KCNS1: variants seen among roughly 807,000 people sequenced by gnomAD.
KCNS1 encodes delayed-rectifier potassium channel regulatory subunit KCNS1.
Under a neutral mutation model 33.1 loss-of-function variants are expected in KCNS1, and 26 were observed. The ratio of observed to expected loss-of-function variants is 0.79; its 90% confidence interval spans 0.58 to 1.09. The LOEUF is 1.09. KCNS1 is among the 50% of genes least tolerant of loss of function. The pLI, the probability that KCNS1 is intolerant of heterozygous loss-of-function variation, is 0.00. For missense variants in KCNS1, 702 were observed against 752.4 expected, an observed-to-expected ratio of 0.93 and a Z score of 0.78; for synonymous variants, 299 against 338.8, an observed-to-expected ratio of 0.88 and a Z score of 1.29.
chr20:45,099,029 G>C (rs532537748), intron 2 of KCNS1, 132 bp downstream of exon 2: 38 of 918,872 alleles, frequency 4.1e-5, no homozygotes, highest in Non-Finnish European at 5.7e-5. Flanking sequence ...GCACCTAGTG[G>C]GTGCTCACAT....
At chr20:45,099,510 A>G (rs1157352476) in intron 1 of KCNS1, among the ~76,000 whole-genome samples, 1 of 152,166 alleles carries the variant, frequency 6.6e-6, no homozygotes, top group Non-Finnish European at 1.5e-5. Context: ...TATTCACCTC[A>G]AAGTGTGGTT....
At position 45,094,541 on chromosome 20, in the gene KCNS1, C is replaced by CG; in HGVS notation, c.*328_*329insC. ...CTGTGAAGTGGGGATAATTCTCTTT[C>CG]TCCAACACAAGGCCAAACATGACCT... On this transcript the variant is annotated 3_prime_UTR_variant, in exon 4 of 4. Transcript: ENST00000537075. 1 of 232,126 alleles carries CG rather than the reference C, an allele frequency of 4.3e-6. No individual in the cohort carries two copies. The highest frequency in any genetic ancestry group is 8.5e-6 in the Non-Finnish European group (1 of 118,058). 14.4% of individuals were successfully genotyped at this position (232,126 alleles called of 1,614,324 possible). A position where few individuals can be genotyped will look rare whatever the true frequency, so the allele number is the denominator to read the frequency against.
At position 45,099,229 on chromosome 20, in the gene KCNS1, A is replaced by T; in HGVS notation, c.8T>A (p.Met3Lys). The change falls in exon 2 of 4, where the codon ATG becomes AAG. Residue 3 changes from methionine to lysine, a missense_variant. Transcript: ENST00000537075. ...ATAGTGTGTTCCCCGGACCAGCAGC[A>T]TCAGCATCACCTGGGAATTTGTCAA... Reference protein sequence around the residue: MLMLLVRGTHYEN... With the variant: MLKLLVRGTHYEN... 6.7e-7 allele frequency: 1 copy of T among 1,486,486 alleles called. No individual in the cohort carries two copies. The highest frequency in any genetic ancestry group is 9.2e-7 in the Non-Finnish European group (1 of 1,087,614). The allele number at this position is 1,486,486 out of a possible 1,614,324, so 92.1% of individuals were successfully genotyped here. A position where few individuals can be genotyped will look rare whatever the true frequency, so the allele number is the denominator to read the frequency against.
In KCNS1 at chr20:45,098,302, A is replaced by G; in HGVS notation, c.470T>C (p.Leu157Pro). ...ALAACCRARYLERRLTQPHAW... is the reference protein window; with the variant it reads ...ALAACCRARYPERRLTQPHAW... ...GTGCGGCTGGGTCAGCCGCCTCTCCAGGTAGCGCGCGCGGCAGCACGCGGC... is the reference window on the plus strand; with the variant it reads ...GTGCGGCTGGGTCAGCCGCCTCTCCGGGTAGCGCGCGCGGCAGCACGCGGC... Residue 157 changes from leucine to proline, a missense_variant, in exon 3 of 4, where the codon CTG (leucine) becomes CCG (proline). Transcript: ENST00000537075. The surrounding 1 kb of genome is among the most constrained non-coding windows in gnomAD (Gnocchi z 5.2). The G allele has an allele frequency of 6.3e-7, 1 of 1,578,430 alleles. No individual in the cohort carries two copies. Among genetic ancestry groups the G allele is most frequent in the Non-Finnish European group, 8.6e-7 (1 of 1,164,612 alleles).
At position 45,097,668 on chromosome 20, in the gene KCNS1, C is replaced by G. The variant is rs1420485962; in HGVS notation, c.1104G>C (p.Thr368=). Residue 368 remains threonine, a synonymous_variant, in exon 3 of 4, where the codon ACG becomes ACC. Coordinates refer to ENST00000537075, the MANE Select transcript of KCNS1 (RefSeq NM_001322799.2). ...HSTGLRSLGA[T]LKHSYREVGI... is the part of the protein sequence containing the mutation. ...CTGGCCTCAGAGGCCGTACCTTGAG[C>G]GTGGCTCCCAGCGAGCGCAGCCCGG... is the stretch of plus-strand genomic sequence containing the variant. 6.2e-7 allele frequency: 1 copy of G among 1,603,438 alleles called. No individual in the cohort carries two copies.
chr20:45,097,516 T>A, intron 3 of KCNS1, 146 bp downstream of exon 3: 1 of 749,816 alleles, frequency 1.3e-6, no homozygotes, highest in South Asian at 1.7e-5. Context: ...AACGTACACC[T>A]GGTGTGCAGC....
chr20:45,098,774 T>G lies in KCNS1; in HGVS notation c.77-79A>C. Reference sequence around the variant, plus strand: ...GACCAGGTTAAAATCCCCTCCTCCATCCAACCAGCCAAGGGGTGTTGGAGG... The same window carrying G: ...GACCAGGTTAAAATCCCCTCCTCCAGCCAACCAGCCAAGGGGTGTTGGAGG... On this transcript the variant is annotated intron_variant, in intron 2 of 3. Coordinates refer to ENST00000537075, the MANE Select transcript of KCNS1 (RefSeq NM_001322799.2). The surrounding 1 kb of genome is among the most constrained non-coding windows in gnomAD (Gnocchi z 5.2). The G allele has an allele frequency of 8.1e-7, 1 of 1,230,820 alleles. No individual in the cohort carries two copies. The highest frequency in any genetic ancestry group is 1.0e-6 in the Non-Finnish European group (1 of 967,424). The allele number at this position is 1,230,820 out of a possible 1,614,324, so 76.2% of individuals were successfully genotyped here.
At position 45,094,204 on chromosome 20, in the gene KCNS1, T is replaced by A. The variant is rs1230631559; in HGVS notation, c.*666A>T. 1 of 152,396 alleles carries A rather than the reference T, an allele frequency of 6.6e-6. No homozygotes were observed. The highest frequency in any genetic ancestry group is 1.9e-4 in the East Asian group (1 of 5,202). The allele number at this position is 152,396 out of a possible 1,614,324, so 9.4% of individuals were successfully genotyped here. On this transcript the variant is annotated 3_prime_UTR_variant, in exon 4 of 4. Coordinates refer to ENST00000537075, the MANE Select transcript of KCNS1 (RefSeq NM_001322799.2). ...TCATCCTCCTTCCCTCCAGGACTCA[T>A]CTTTGATTGCTGACTCCTGTTGGAT... is the stretch of plus-strand genomic sequence containing the variant.
chr20:45,099,293 G>T, intron 1 of KCNS1, 54 bp from the exon 2 acceptor site: 1 of 964,480 alleles, frequency 1.0e-6, no homozygotes, highest in South Asian at 1.4e-5. Flanking sequence ...TTACTGAATC[G>T]GGAACTCTAA....
chr20:45,097,325 C>T (rs940743061), intron 3 of KCNS1, among the ~76,000 whole-genome samples: 1 of 152,228 alleles, frequency 6.6e-6, no homozygotes, highest in Non-Finnish European at 1.5e-5. Flanking sequence ...TCCTGCTTTG[C>T]GCATCTTTGT....
At position 45,092,745 on chromosome 20, in the gene KCNS1, C is replaced by T. The variant is rs1981037609; in HGVS notation, c.*2125G>A. On this transcript the variant is annotated 3_prime_UTR_variant, in exon 4 of 4. Coordinates refer to ENST00000537075, the MANE Select transcript of KCNS1 (RefSeq NM_001322799.2). ...GCCCTGTGTATGACACACACCTTCA[C>T]ACATGCCATTCTCTCTGCTTGGAGT... 3 of 151,982 alleles carry T rather than the reference C, an allele frequency of 2.0e-5. No individual in the cohort carries two copies. The highest frequency in any genetic ancestry group is 2.0e-4 in the Admixed American group (3 of 15,254). 9.4% of individuals were successfully genotyped at this position (151,982 alleles called of 1,614,324 possible). A position where few individuals can be genotyped will look rare whatever the true frequency, so the allele number is the denominator to read the frequency against.
rs1243375693 is a variant in KCNS1, at chr20:45,094,789, G to A, written c.*81C>T. 2.7e-6 allele frequency: 3 copies of A among 1,104,882 alleles called. No homozygotes were observed. The highest frequency in any genetic ancestry group is 2.4e-5 in the East Asian group (1 of 42,324). The allele number at this position is 1,104,882 out of a possible 1,614,324, so 68.4% of individuals were successfully genotyped here. A position where few individuals can be genotyped will look rare whatever the true frequency, so the allele number is the denominator to read the frequency against. On this transcript the variant is annotated 3_prime_UTR_variant, in exon 4 of 4. Coordinates refer to ENST00000537075, the MANE Select transcript of KCNS1 (RefSeq NM_001322799.2). ...CTCAGGACAGCATGAGTGATCCTGGGAGGCTCACTACCATGAAGAACTTTA... is the reference window on the plus strand; with the variant it reads ...CTCAGGACAGCATGAGTGATCCTGGAAGGCTCACTACCATGAAGAACTTTA...
chr20:45,097,820 G>C lies in KCNS1; in HGVS notation c.952C>G (p.Leu318Val), dbSNP rs1249348966. The C allele has an allele frequency of 6.2e-7, 1 of 1,613,640 alleles. No homozygotes were observed. The highest frequency in any genetic ancestry group is 8.5e-7 in the Non-Finnish European group (1 of 1,180,006). The change falls in exon 3 of 4, where the codon CTC becomes GTC. Residue 318 changes from leucine (L) to valine (V), a missense_variant. Physicochemically the swap from Leu to Val is conservative, Grantham distance 32. Around this residue, in one of 3 missense-constraint regions of KCNS1, gnomAD observed 253 missense variants for 327.4 expected, o/e 0.77. Coordinates refer to ENST00000537075, the MANE Select transcript of KCNS1 (RefSeq NM_001322799.2). The stretch of plus-strand genomic sequence containing the variant: ...AGTGCCACACCAGCCAGCAGCGTGA[G>C]ATAGAAGGGCAGCACAGACACAATG... ...IDIVSVLPFY[L>V]TLLAGVALGD...
chr20:45,098,580 G>C lies in KCNS1; in HGVS notation c.192C>G (p.Ser64Arg). ...VNVGGVRRQL[S>R]ARALARFPGT... is the part of the protein sequence containing the mutation. ...CCGGGAAGCGCGCCAGGGCGCGCGC[G>C]CTCAGCTGCCGCCGCACGCCACCCA... Residue 64 changes from serine to arginine, a missense_variant, in exon 3 of 4, where the codon AGC becomes AGG. Coordinates refer to ENST00000537075, the MANE Select transcript of KCNS1 (RefSeq NM_001322799.2). This position sits in a 1 kb window ranked among gnomAD's most constrained non-coding sequence, Gnocchi z 5.2. The C allele has an allele frequency of 7.2e-7, 1 of 1,381,822 alleles. No individual in the cohort carries two copies. Among genetic ancestry groups the C allele is most frequent in the Non-Finnish European group, 9.4e-7 (1 of 1,064,982 alleles). The allele number at this position is 1,381,822 out of a possible 1,614,324, so 85.6% of individuals were successfully genotyped here.
At position 45,098,223 on chromosome 20, in the gene KCNS1, C is replaced by CT. The variant is rs1981266778; in HGVS notation, c.548dup (p.Ile184AspfsTer192). ...CCAGTTCTCGCTGCACGTCGGAGATCTCGTCGGGGCACGGGTCCACGCTGC... is the reference window on the plus strand; with the variant it reads ...CCAGTTCTCGCTGCACGTCGGAGATCTTCGTCGGGGCACGGGTCCACGCTGC... On this transcript the variant is annotated frameshift_variant, in exon 3 of 4. Coordinates refer to ENST00000537075, the MANE Select transcript of KCNS1 (RefSeq NM_001322799.2). LOFTEE classifies it high-confidence loss of function. This position sits in a 1 kb window ranked among gnomAD's most constrained non-coding sequence, Gnocchi z 5.2. The CT allele has an allele frequency of 6.2e-7, 1 of 1,604,300 alleles. No homozygotes were observed. The highest frequency in any genetic ancestry group is 8.5e-7 in the Non-Finnish European group (1 of 1,176,410).
chr20:45,098,520 C>T lies in KCNS1; in HGVS notation c.252G>A (p.Ser84=). 1 of 1,510,722 alleles carries T rather than the reference C, an allele frequency of 6.6e-7. No individual in the cohort carries two copies. The allele number at this position is 1,510,722 out of a possible 1,614,324, so 93.6% of individuals were successfully genotyped here. A position where few individuals can be genotyped will look rare whatever the true frequency, so the allele number is the denominator to read the frequency against. The change falls in exon 3 of 4, where the codon TCG becomes TCA. Residue 84 remains serine, a synonymous_variant. Transcript: ENST00000537075. The surrounding 1 kb of genome is among the most constrained non-coding windows in gnomAD (Gnocchi z 5.2). The part of the protein sequence containing the change: ...TRLGRLQAAA[S]EEQARRLCDD... Reference sequence around the variant, plus strand: ...CGCACAGGCGCCGCGCCTGCTCCTCCGACGCCGCGGCCTGCAGGCGGCCCA... The same window carrying T: ...CGCACAGGCGCCGCGCCTGCTCCTCTGACGCCGCGGCCTGCAGGCGGCCCA...
In KCNS1 at chr20:45,091,422, T is replaced by C. The variant is rs1031152885; in HGVS notation, c.*3448A>G. Among the ~76,000 whole-genome samples, 1 of 152,176 alleles carries C rather than the reference T, an allele frequency of 6.6e-6. No individual in the cohort carries two copies. Among genetic ancestry groups the C allele is most frequent in the Admixed American group, 6.5e-5 (1 of 15,272 alleles). ...GGCAGATCATGTGGGTAGCAGTGTCTTAAACAGAAGGTTCATGAGTCTTGC... is the reference window on the plus strand; with the variant it reads ...GGCAGATCATGTGGGTAGCAGTGTCCTAAACAGAAGGTTCATGAGTCTTGC... On this transcript the variant is annotated 3_prime_UTR_variant, in exon 4 of 4. Transcript: ENST00000537075.
In KCNS1 at chr20:45,091,263, A is replaced by G. The variant is rs1283140777; in HGVS notation, c.*3607T>C. Among the ~76,000 whole-genome samples, 1 of 152,184 alleles carries G rather than the reference A, an allele frequency of 6.6e-6. No homozygotes were observed. The highest frequency in any genetic ancestry group is 1.5e-5 in the Non-Finnish European group (1 of 68,042). ...TATTTGGGTAAGTACCTTTCCTCCA[A>G]CTGCCGCAAATACTAATACGGTACC... On this transcript the variant is annotated 3_prime_UTR_variant, in exon 4 of 4. Coordinates refer to ENST00000537075, the MANE Select transcript of KCNS1 (RefSeq NM_001322799.2).
chr20:45,098,791 T>C lies in KCNS1; in HGVS notation c.77-96A>G. ...CTCCTCCATCCAACCAGCCAAGGGG[T>C]GTTGGAGGCTGTGTGTGAAGCATCT... On this transcript the variant is annotated intron_variant, in intron 2 of 3. Transcript: ENST00000537075. The surrounding 1 kb of genome is among the most constrained non-coding windows in gnomAD (Gnocchi z 5.2). 8.8e-7 allele frequency: 1 copy of C among 1,137,394 alleles called. No homozygotes were observed. The highest frequency in any genetic ancestry group is 1.1e-6 in the Non-Finnish European group (1 of 876,852). The allele number at this position is 1,137,394 out of a possible 1,614,324, so 70.5% of individuals were successfully genotyped here.
Sources: allele counts gnomAD v4.1 joint callset (sites outside exome capture counted in the v4.1 genomes callset), GRCh38; gene constraint gnomAD v4.1.1; regional missense constraint gnomAD v4.1.1; non-coding constraint Gnocchi (gnomAD v3.1); transcripts MANE v1.5; gene names NCBI Gene and HGNC (gene_info 2026-07-23, HGNC 2026-07-21).